The following UPF2 variants were observed in gnomAD, a reference collection of about 807,000 sequenced individuals.
UPF2 encodes UPF2 regulator of nonsense mediated mRNA decay.
A neutral mutation model predicts 141.4 loss-of-function variants in UPF2; 17 were observed. The observed-to-expected ratio is 0.12, with a 90% CI of 0.08 to 0.18. The LOEUF (loss-of-function observed/expected upper bound fraction) is 0.18, where lower values mean the gene tolerates loss of function less well. Ranked by LOEUF, UPF2 falls within the 10% of genes least tolerant of loss-of-function variation. The pLI, the probability that UPF2 is intolerant of heterozygous loss-of-function variation, is 1.00. For missense variants in UPF2, 1,152 were observed against 1,515.9 expected (o/e 0.76, Z 3.99); for synonymous variants, 540 against 498.0 (o/e 1.08, Z -1.12).
Position 12,027,908 on chromosome 10 carries a change from A to C in UPF2, c.1145+837T>G, listed in dbSNP as rs564252643. 1.2e-4 allele frequency among the ~76,000 whole-genome samples: 18 copies of C among 152,332 alleles called. No homozygotes were observed. In the South Asian group the frequency reaches 3.7e-3, roughly 32 times the overall value. ...GTAATTTCAGATTCTCAACCATGCA[A>C]TATAAATAGTTGTAGAAATATTAAA... On this transcript the variant is annotated intron_variant, in intron 3 of 21. Coordinates refer to ENST00000357604, the MANE Select transcript of UPF2 (RefSeq NM_015542.4).
rs1436578731 is a variant in UPF2 at position 11,992,005 on chromosome 10, G to A, written c.1844+5667C>T. Among the ~76,000 whole-genome samples the A allele has an allele frequency of 7.0e-6, 1 of 142,678 alleles. No individual in the cohort carries two copies. The highest frequency in any genetic ancestry group is 2.5e-5 in the African/African-American group (1 of 40,008). The allele number at this position is 142,678 out of a possible 152,430, so 93.6% of individuals were successfully genotyped here. On this transcript the variant is annotated intron_variant, in intron 8 of 21. Transcript: ENST00000357604. This position sits in a 1 kb window ranked among gnomAD's most constrained non-coding sequence, Gnocchi z 4.1. ...TACTAAAAATACAAAAATTAGCTGG[G>A]CGTGGTGGCGGGCGCCTGTAATCCC...
chr10:12,017,653 G>A (rs1005127268), intron 3 of UPF2, among the ~76,000 whole-genome samples: 1 of 152,154 alleles, frequency 6.6e-6, no homozygotes, highest in African/African-American at 2.4e-5. Context: ...GTGTACTTAA[G>A]TTACTATTCA....
chr10:12,006,183 A>G (rs576271768), intron 4 of UPF2, among the ~76,000 whole-genome samples: 4 of 152,174 alleles, frequency 2.6e-5, no homozygotes, highest in Non-Finnish European at 5.9e-5. Flanking sequence ...CTCAGCCTTT[A>G]TTTTCTTTTA....
chr10:12,010,649 G>C (rs1026745018), intron 4 of UPF2, among the ~76,000 whole-genome samples: 3 of 152,102 alleles, frequency 2.0e-5, no homozygotes, highest in Non-Finnish European at 2.9e-5. Flanking sequence ...AGGTGACGAA[G>C]AAGGAAAGAG....
intron 4 of UPF2, among the ~76,000 whole-genome samples, chr10:12,005,313 T>C (rs1588564572): frequency 6.6e-6 from 1 of 152,294 alleles, no homozygotes. Flanking sequence ...GTTTATTCAA[T>C]TGCAAAGTTT....
intron 21 of UPF2, among the ~76,000 whole-genome samples, chr10:11,923,011 G>A (rs1028988765): frequency 4.6e-5 from 7 of 152,106 alleles, no homozygotes; most frequent in African/African-American, 1.4e-4. Context: ...TCCAGCCTGG[G>A]TGACAGAGCA....
chr10:11,937,190 A>G (rs1247279341), intron 18 of UPF2, among the ~76,000 whole-genome samples: 2 of 152,244 alleles, frequency 1.3e-5, no homozygotes, highest in African/African-American at 4.8e-5. Context: ...GACCATTTGT[A>G]TTAATTCCTT....
Position 12,029,495 on chromosome 10 carries a change from T to C in UPF2, c.395A>G (p.Gln132Arg), listed in dbSNP as rs1225343594. Residue 132 changes from glutamine (Q) to arginine (R), a missense_variant, in exon 3 of 22, where the codon CAG (glutamine) becomes CGG (arginine). Physicochemically the swap from Gln to Arg is conservative, Grantham distance 43 (BLOSUM62 1). Around this residue, in one of 4 missense-constraint regions of UPF2, gnomAD observed 739 missense variants for 1,032.2 expected, o/e 0.72. Coordinates refer to ENST00000357604, the MANE Select transcript of UPF2 (RefSeq NM_015542.4). ...KEKEESIQLHQEAWERHHLRK... is the reference protein window; with the variant it reads ...KEKEESIQLHREAWERHHLRK... ...TAAATGATGTCGTTCCCAAGCTTCC[T>C]GATGAAGCTGAATGGATTCTTCTTT... The C allele has an allele frequency of 6.2e-7, 1 of 1,600,292 alleles. No individual in the cohort carries two copies. Among genetic ancestry groups the C allele is most frequent in the Non-Finnish European group, 8.5e-7 (1 of 1,176,594 alleles).
intron 3 of UPF2, among the ~76,000 whole-genome samples, chr10:12,015,110 T>A (rs1834194706): frequency 6.6e-6 from 1 of 152,262 alleles, no homozygotes; most frequent in African/African-American, 2.4e-5. Context: ...TGTGGTACTA[T>A]AATATTTGAA....
At chr10:12,043,155 G>A (rs905394193), upstream of UPF2, 6 of 152,390 alleles carry the variant, frequency 3.9e-5, no homozygotes, top group Non-Finnish European at 8.8e-5. Flanking sequence ...CAATACGTAA[G>A]GTAGCCACTA....
At chr10:11,929,321 A>C (rs1266788640) in intron 21 of UPF2, among the ~76,000 whole-genome samples, 1 of 152,198 alleles carries the variant, frequency 6.6e-6, no homozygotes, top group Non-Finnish European at 1.5e-5. Context: ...CTTCCTATTA[A>C]AGCAAAAGAA....
At chr10:11,982,005 CAT>C (rs1160326711) in intron 8 of UPF2, among the ~76,000 whole-genome samples, 1 of 149,044 alleles carries the variant, frequency 6.7e-6, no homozygotes, top group Non-Finnish European at 1.5e-5. Flanking sequence ...CGCTTATAAA[CAT>C]GTAATAATTT....
chr10:11,993,288 G>A (rs1328681258), intron 8 of UPF2, among the ~76,000 whole-genome samples: 2 of 151,604 alleles, frequency 1.3e-5, no homozygotes, highest in Non-Finnish European at 2.9e-5. Context: ...TCACAATTAA[G>A]TTTTATCTAT....
chr10:11,952,710 G>A (rs1188930313), intron 14 of UPF2, among the ~76,000 whole-genome samples: 1 of 151,864 alleles, frequency 6.6e-6, no homozygotes, highest in Non-Finnish European at 1.5e-5. Context: ...TCCTGACCTC[G>A]TGATCCGCCC....
chr10:12,005,799 G>T (rs1834025631), intron 4 of UPF2, among the ~76,000 whole-genome samples: 1 of 151,940 alleles, frequency 6.6e-6, no homozygotes, highest in African/African-American at 2.4e-5. Flanking sequence ...TCAAACTCCT[G>T]ACTTCAGGTG....
At chr10:11,993,310 C>T (rs1833812185) in intron 8 of UPF2, among the ~76,000 whole-genome samples, 2 of 152,034 alleles carry the variant, frequency 1.3e-5, no homozygotes, top group African/African-American at 4.8e-5. Context: ...CAACAAATAA[C>T]ACAACAGTAA....
rs1188366456 is a variant in UPF2 at position 11,948,491 on chromosome 10, C to T, written c.3052G>A (p.Asp1018Asn). Residue 1018 changes from aspartate (D) to asparagine (N), a missense_variant, in exon 16 of 22, where the codon GAC becomes AAC. Physicochemically the swap from Asp to Asn is conservative, Grantham distance 23. Transcript: ENST00000357604. ...CCTTCTGTCATAGAATCTTTTGAGTCTTTGTCATTTACTAGGCCTTGAAAT... is the reference window on the plus strand; with the variant it reads ...CCTTCTGTCATAGAATCTTTTGAGTTTTTGTCATTTACTAGGCCTTGAAAT... ...LIKLGLVNDK[D>N]SKDSMTEGEN... is the part of the protein sequence containing the mutation. The T allele has an allele frequency of 6.2e-7, 1 of 1,612,556 alleles. No homozygotes were observed. Among genetic ancestry groups the T allele is most frequent in the South Asian group, 1.1e-5 (1 of 91,012 alleles).
intron 15 of UPF2, among the ~76,000 whole-genome samples, chr10:11,948,914 A>C (rs1278626314): frequency 6.6e-6 from 1 of 152,230 alleles, no homozygotes; most frequent in Non-Finnish European, 1.5e-5. Context: ...AGTCTCCAAA[A>C]ACTCAAAAGA....
chr10:12,041,617 C>T (rs770665979), intron 1 of UPF2, among the ~76,000 whole-genome samples: 29 of 152,148 alleles, frequency 1.9e-4, no homozygotes, highest in Admixed American at 1.9e-3. Context: ...CGAAAACACT[C>T]CAGTATGAGA....
Sources: gnomAD v4.1 joint callset for allele counts (sites outside exome capture counted in the v4.1 genomes callset) on GRCh38, gnomAD v4.1.1 for gene constraint, gnomAD v4.1.1 regional missense constraint, Gnocchi (gnomAD v3.1) non-coding constraint, MANE v1.5 for transcripts, NCBI Gene and HGNC (gene_info 2026-07-23, HGNC 2026-07-21) for gene names.